Variants in H2BC4 observed in about 807,000 individuals in gnomAD.
H2BC4 encodes H2B clustered histone 4.
In H2BC4, 10 loss-of-function variants were observed where a neutral mutation model predicts 6.2. The observed-to-expected ratio is 1.61, with a 90% CI of 0.99 to 2.73. The LOEUF is 2.73. Ranked by LOEUF, H2BC4 falls within the 30% of genes most tolerant of loss-of-function variation. The probability of loss-of-function intolerance (pLI) is 0.00; values close to 1 mark genes in which losing one functional copy is unlikely to be tolerated. For synonymous variants in H2BC4, 146 were observed against 70.7 expected, an observed-to-expected ratio of 2.07 and a Z score of -5.35; for missense variants, 176 against 168.7, an observed-to-expected ratio of 1.04 and a Z score of -0.24.
In H2BC4 at chr6:26,123,493, G is replaced by A. The variant is rs1763542874; in HGVS notation, c.*31C>T. On this transcript the variant is annotated 3_prime_UTR_variant, in exon 1 of 1. Coordinates refer to ENST00000396984, the MANE Select transcript of H2BC4 (RefSeq NM_003526.3). ...GGGTGGCTCTTAAAAGAGCCTTTGG[G>A]GTTAGGTGTTAAGACGCTTACTTGG... is the stretch of plus-strand genomic sequence containing the variant. 3 of 1,613,820 alleles carry A rather than the reference G, an allele frequency of 1.9e-6. No homozygotes were observed. Among genetic ancestry groups the A allele is most frequent in the Non-Finnish European group, 1.7e-6 (2 of 1,179,946 alleles).
At chr6:26,115,931 C>T (rs1328116232) in intron 1 of H2BC4, among the ~76,000 whole-genome samples, 1 of 151,388 alleles carries the variant, frequency 6.6e-6, no homozygotes, top group Non-Finnish European at 1.5e-5. Context: ...TTTTTTTGTT[C>T]TAGCCTACAG....
At chr6:26,115,884 G>C (rs993995665) in intron 1 of H2BC4, among the ~76,000 whole-genome samples, 1 of 152,080 alleles carries the variant, frequency 6.6e-6, no homozygotes, top group African/African-American at 2.4e-5. Flanking sequence ...GTTTAAGCAA[G>C]TCTAACAACA....
chr6:26,122,500 T>G (rs968809186), downstream of H2BC4, among the ~76,000 whole-genome samples: 2 of 152,186 alleles, frequency 1.3e-5, no homozygotes, highest in Admixed American at 6.5e-5. Context: ...ATGTGGAATT[T>G]CCCAGGCCAC....
chr6:26,119,656 ATTTAGT>A (rs1236416443), downstream of H2BC4, among the ~76,000 whole-genome samples: 13 of 152,040 alleles, frequency 8.6e-5, no homozygotes, highest in South Asian at 2.1e-4. Flanking sequence ...AGTGGAAGAA[ATTTAGT>A]AAATGCAAGT....
downstream of H2BC4, among the ~76,000 whole-genome samples, chr6:26,122,236 G>T (rs959876229): frequency 6.6e-6 from 1 of 152,088 alleles, no homozygotes; most frequent in Non-Finnish European, 1.5e-5. Flanking sequence ...AGGTGTGAAA[G>T]AAATTGCAGA....
rs374963874 is a variant in H2BC4, at chr6:26,123,880, G to A, written c.25C>T (p.Pro9Ser). Residue 9 changes from proline to serine, a missense_variant, in exon 1 of 1, where the codon CCC (proline) becomes TCC (serine). By Grantham distance (74) the Pro-to-Ser change is moderately conservative. Transcript: ENST00000396984. ...TTCTTGGAGCCCTTCTTCGGGGCGG[G>A]AGCAGACTTGGCTGGCTCAGGCATC... MPEPAKSA[P>S]APKKGSKKAV... 2 of 1,614,160 alleles carry A rather than the reference G, an allele frequency of 1.2e-6. No homozygotes were observed. The highest frequency in any genetic ancestry group is 1.7e-6 in the Non-Finnish European group (2 of 1,180,030).
chr6:26,117,201 T>A (rs1402496405), intron 1 of H2BC4, among the ~76,000 whole-genome samples: 4 of 152,214 alleles, frequency 2.6e-5, no homozygotes, highest in Non-Finnish European at 5.9e-5. Flanking sequence ...TATGAAATTC[T>A]TATAATTTAT....
chr6:26,122,602 C>G (rs187707534), downstream of H2BC4, among the ~76,000 whole-genome samples: 6 of 152,292 alleles, frequency 3.9e-5, no homozygotes, highest in African/African-American at 9.6e-5. Context: ...CATTCTCCCC[C>G]ACCCAGCGCC....
intron 1 of H2BC4, among the ~76,000 whole-genome samples, chr6:26,117,663 A>G (rs1002317243): frequency 1.3e-5 from 2 of 152,238 alleles, no homozygotes; most frequent in African/African-American, 4.8e-5. Context: ...TGAGTTTGTC[A>G]AACTGTGACT....
chr6:26,123,837 T>G lies in H2BC4; in HGVS notation c.68A>C (p.Gln23Pro). Residue 23 changes from glutamine (Q) to proline (P), a missense_variant, in exon 1 of 1, where the codon CAG (glutamine) becomes CCG (proline). Coordinates refer to ENST00000396984, the MANE Select transcript of H2BC4 (RefSeq NM_003526.3). ...KGSKKAVTKA[Q>P]KKDGKKRKRS... is the part of the protein sequence containing the mutation. ...CTTGCGCTTCTTGCCATCTTTCTTC[T>G]GCGCTTTGGTCACTGCCTTCTTGGA... 6.2e-7 allele frequency: 1 copy of G among 1,614,256 alleles called. No homozygotes were observed.
In H2BC4 at chr6:26,123,913, A is replaced by C. The variant is rs768517743; in HGVS notation, c.-9T>G. On this transcript the variant is annotated 5_prime_UTR_variant, in exon 1 of 1. Coordinates refer to ENST00000396984, the MANE Select transcript of H2BC4 (RefSeq NM_003526.3). ...TTGGCTGGCTCAGGCATCTTAAAAC[A>C]CCAGAAATGTGTCGAAAGTAAAGAG... is the stretch of plus-strand genomic sequence containing the variant. 1.2e-6 allele frequency: 2 copies of C among 1,611,300 alleles called. No homozygotes were observed. Among genetic ancestry groups the C allele is most frequent in the Non-Finnish European group, 1.7e-6 (2 of 1,179,346 alleles).
Position 26,123,760 on chromosome 6 carries a change from C to T in H2BC4, c.145G>A (p.Val49Ile). ...SVYVYKVLKQVHPDTGISSKA... is the reference protein window; with the variant it reads ...SVYVYKVLKQIHPDTGISSKA... ...GAAGAGATGCCAGTGTCGGGATGGA[C>T]CTGTTTCAGCACCTTGTACACGTAC... The change falls in exon 1 of 1, where the codon GTC becomes ATC. Residue 49 changes from valine (V) to isoleucine (I), a missense_variant. Coordinates refer to ENST00000396984, the MANE Select transcript of H2BC4 (RefSeq NM_003526.3). The T allele has an allele frequency of 6.2e-7, 1 of 1,614,246 alleles. No homozygotes were observed. Among genetic ancestry groups the T allele is most frequent in the Non-Finnish European group, 8.5e-7 (1 of 1,180,050 alleles).
chr6:26,114,194 C>T (rs1042551929), downstream of H2BC4, among the ~76,000 whole-genome samples: 3 of 152,034 alleles, frequency 2.0e-5, no homozygotes, highest in East Asian at 1.9e-4. Context: ...CAGAGTCCTC[C>T]GCAGAAAAGG....
chr6:26,114,715 T>A (rs1431972787), downstream of H2BC4, among the ~76,000 whole-genome samples: 2 of 151,972 alleles, frequency 1.3e-5, no homozygotes, highest in African/African-American at 2.4e-5. Context: ...TACATAATTA[T>A]CAATATATCC....
downstream of H2BC4, among the ~76,000 whole-genome samples, chr6:26,119,217 C>CACGT: frequency 6.6e-6 from 1 of 152,210 alleles, no homozygotes. Context: ...TCTACGCCCA[C>CACGT]ACGTATACAG....
At chr6:26,123,231 G>C (rs1431625838), downstream of H2BC4, 1 of 461,608 alleles carries the variant, frequency 2.2e-6, no homozygotes, top group East Asian at 4.2e-5. Context: ...GCGAGCCTGC[G>C]GTTTCTTCCG....
chr6:26,122,524 G>A (rs1763514395), downstream of H2BC4, among the ~76,000 whole-genome samples: 1 of 152,206 alleles, frequency 6.6e-6, no homozygotes, highest in Admixed American at 6.5e-5. Context: ...GCGGCCTGCA[G>A]TTGTCTAGGA....
At chr6:26,115,699 T>A (rs1763409391) in intron 1 of H2BC4, among the ~76,000 whole-genome samples, 1 of 152,216 alleles carries the variant, frequency 6.6e-6, no homozygotes, top group Non-Finnish European at 1.5e-5. Flanking sequence ...TTTGATCCAC[T>A]CTTGAGGCTA....
chr6:26,121,418 G>T (rs1011774992), downstream of H2BC4, among the ~76,000 whole-genome samples: 1 of 151,932 alleles, frequency 6.6e-6, no homozygotes, highest in African/African-American at 2.4e-5. Flanking sequence ...AAACTCAAAG[G>T]GTCCAGGGAT....
Sources: allele counts gnomAD v4.1 joint callset (sites outside exome capture counted in the v4.1 genomes callset), GRCh38; gene constraint gnomAD v4.1.1; transcripts MANE v1.5; gene names NCBI Gene and HGNC (gene_info 2026-07-23, HGNC 2026-07-21).